Variants in MAT2B observed in about 807,000 individuals in gnomAD.
MAT2B encodes methionine adenosyltransferase 2 non-catalytic beta subunit.
MAT2B carries 16 observed loss-of-function variants against 36.1 expected under a neutral mutation model. The observed-to-expected ratio is 0.44, with a 90% CI of 0.30 to 0.67. MAT2B has a LOEUF of 0.67. Ranked by LOEUF, MAT2B falls within the 30% of genes least tolerant of loss-of-function variation. MAT2B has a pLI of 0.09. For synonymous variants in MAT2B, 148 were observed against 136.9 expected (o/e 1.08, Z -0.57); for missense variants, 332 against 398.2 (o/e 0.83, Z 1.42).
Position 163,518,452 on chromosome 5 carries a change from GTACTT to G in MAT2B, c.*92_*96del. 2 of 1,082,702 alleles carry G rather than the reference GTACTT, an allele frequency of 1.8e-6. No individual in the cohort carries two copies. Among genetic ancestry groups the G allele is most frequent in the Non-Finnish European group, 2.6e-6 (2 of 763,844 alleles). 67.1% of individuals were successfully genotyped at this position (1,082,702 alleles called of 1,614,324 possible). A position where few individuals can be genotyped will look rare whatever the true frequency, so the allele number is the denominator to read the frequency against. On this transcript the variant is annotated 3_prime_UTR_variant, in exon 7 of 7. Transcript: ENST00000321757. ...GAACAAAGGAAATAGTTTTGTATGA[GTACTT>G]TAATTGTGACTCTTAGGATCTTTCA... is the stretch of plus-strand genomic sequence containing the variant.
intron 4 of MAT2B, among the ~76,000 whole-genome samples, chr5:163,514,249 G>A (rs1477662757): frequency 6.6e-6 from 1 of 152,084 alleles, no homozygotes; most frequent in Admixed American, 6.5e-5. Flanking sequence ...ACAAGCTTTT[G>A]TAACTCATTT....
rs1759919327 is a variant in MAT2B at position 163,505,669 on chromosome 5, G to A, written c.-18G>A. On this transcript the variant is annotated 5_prime_UTR_variant, in exon 1 of 7. Transcript: ENST00000321757. Reference sequence around the variant, plus strand: ...AGGAGGTGGCGGCCGCTGAGGCTGCGGCGTGAAGACGGCGGGCATGGTGGG... The same window carrying A: ...AGGAGGTGGCGGCCGCTGAGGCTGCAGCGTGAAGACGGCGGGCATGGTGGG... The A allele has an allele frequency of 1.6e-6, 2 of 1,278,304 alleles. No homozygotes were observed. Among genetic ancestry groups the A allele is most frequent in the East Asian group, 3.0e-5 (1 of 33,682 alleles). The allele number at this position is 1,278,304 out of a possible 1,614,324, so 79.2% of individuals were successfully genotyped here.
At chr5:163,503,266 A>T, upstream of MAT2B, 1 of 756,256 alleles carries the variant, frequency 1.3e-6, no homozygotes, top group African/African-American at 1.7e-5. Flanking sequence ...TTAAAAGGTC[A>T]AGTGAAGCTG....
intron 1 of MAT2B, among the ~76,000 whole-genome samples, chr5:163,510,762 C>T (rs1183656663): frequency 6.6e-6 from 1 of 152,156 alleles, no homozygotes; most frequent in African/African-American, 2.4e-5. Flanking sequence ...TTTGGTTAAA[C>T]TTAGAAAGCA....
intron 2 of MAT2B, 73 bp from the exon 3 acceptor site, chr5:163,513,482 T>C: frequency 1.3e-6 from 1 of 791,132 alleles, no homozygotes; most frequent in South Asian, 1.7e-5. Context: ...TTTCTCTGAA[T>C]TAACTTTAAG....
intron 1 of MAT2B, among the ~76,000 whole-genome samples, chr5:163,508,984 A>G (rs1759993003): frequency 1.3e-5 from 2 of 152,172 alleles, no homozygotes; most frequent in Non-Finnish European, 2.9e-5. Flanking sequence ...GCATTTTCTC[A>G]TACAACTCCA....
chr5:163,506,441 C>T (rs544712878), intron 1 of MAT2B, among the ~76,000 whole-genome samples: 1 of 152,026 alleles, frequency 6.6e-6, no homozygotes, highest in African/African-American at 2.4e-5. Flanking sequence ...TCTGGTGCCC[C>T]CCTCGCCCCC....
chr5:163,517,642 G>A lies in MAT2B; in HGVS notation c.802G>A (p.Ala268Thr), dbSNP rs770623229. The change falls in exon 6 of 7, where the codon GCC becomes ACC. Residue 268 changes from alanine to threonine, a missense_variant. Coordinates refer to ENST00000321757, the MANE Select transcript of MAT2B (RefSeq NM_013283.5). ...KYEMACAIAD[A>T]FNLPSSHLRP... ...TGAAATGGCATGTGCAATTGCAGAT[G>A]CCTTCAACCTCCCCAGCAGTCACTT... is the stretch of plus-strand genomic sequence containing the variant. The A allele has an allele frequency of 9.3e-6, 15 of 1,613,598 alleles. No individual in the cohort carries two copies. The South Asian group carries it at 1.5e-4, about 17-fold the overall frequency.
At position 163,512,360 on chromosome 5, in the gene MAT2B, CTTAAAG is replaced by C. The variant is rs1283701594; in HGVS notation, c.258+170_258+175del. On this transcript the variant is annotated intron_variant, in intron 2 of 6. Coordinates refer to ENST00000321757, the MANE Select transcript of MAT2B (RefSeq NM_013283.5). ...TTAGCATGACATGGTATATGTAAAC[CTTAAAG>C]TTAAATTTTGACACGCTGACAAAGA... 1.3e-5 allele frequency: 8 copies of C among 633,218 alleles called. No homozygotes were observed. The South Asian group carries it at 1.5e-4, about 12-fold the overall frequency. 39.2% of individuals were successfully genotyped at this position (633,218 alleles called of 1,614,324 possible).
chr5:163,516,193 G>A (rs565173592), intron 4 of MAT2B, among the ~76,000 whole-genome samples: 14 of 152,236 alleles, frequency 9.2e-5, no homozygotes, highest in East Asian at 7.8e-4. Flanking sequence ...CTACAGGCAT[G>A]TGCCACCATG....
Position 163,512,147 on chromosome 5 carries a change from TTA to T in MAT2B, c.210_211del (p.Asn71SerfsTer5). On this transcript the variant is annotated frameshift_variant, in exon 2 of 7. Transcript: ENST00000321757. LOFTEE classifies it high-confidence loss of function. ...AGAGCAAGACCAAAATTTGAACAGG[TTA>T]ATCTGTTGGATTCTAATGCAGTTCA... is the stretch of plus-strand genomic sequence containing the variant. The T allele has an allele frequency of 6.2e-7, 1 of 1,614,148 alleles. No individual in the cohort carries two copies. Among genetic ancestry groups the T allele is most frequent in the Non-Finnish European group, 8.5e-7 (1 of 1,179,986 alleles).
intron 4 of MAT2B, among the ~76,000 whole-genome samples, chr5:163,515,145 C>T (rs1224795774): frequency 1.3e-5 from 2 of 152,144 alleles, no homozygotes; most frequent in Admixed American, 1.3e-4. Context: ...AGCACTGTTG[C>T]TTCGTGGATT....
At chr5:163,518,159 C>A in intron 6 of MAT2B, 34 bp from the exon 7 acceptor site, 2 of 1,523,744 alleles carry the variant, frequency 1.3e-6, no homozygotes, top group Non-Finnish European at 1.8e-6. Context: ...CTTTCACTTA[C>A]TTTTGATTTT....
At chr5:163,513,366 T>C in intron 2 of MAT2B, 189 bp from the exon 3 acceptor site, 2 of 504,508 alleles carry the variant, frequency 4.0e-6, no homozygotes, top group South Asian at 6.3e-5. Flanking sequence ...TGCCTATAAA[T>C]ATTTTAAGTT....
chr5:163,516,368 C>T (rs189276670), intron 4 of MAT2B, 150 bp from the exon 5 acceptor site: 39 of 653,470 alleles, frequency 6.0e-5, no homozygotes, highest in Admixed American at 2.3e-4. Context: ...TTTTACATTG[C>T]GTTGTCACAA....
intron 5 of MAT2B, 100 bp downstream of exon 5, chr5:163,516,811 C>A (rs747639330): frequency 1.5e-6 from 2 of 1,305,562 alleles, no homozygotes; most frequent in South Asian, 1.2e-5. Flanking sequence ...GAGTGAAAGC[C>A]AAAAGTGCTT....
intron 1 of MAT2B, among the ~76,000 whole-genome samples, chr5:163,511,383 CCTCCCAAGTAGCTAGGA>C (rs1415610841): frequency 2.6e-5 from 4 of 151,498 alleles, no homozygotes; most frequent in Non-Finnish European, 5.9e-5. Context: ...CCCACCCCAG[CCTCCCAAGTAGCTAGGA>C]CTACAGGCAT....
intron 1 of MAT2B, 115 bp downstream of exon 1, chr5:163,505,864 G>A: frequency 1.2e-6 from 1 of 826,606 alleles, no homozygotes; most frequent in Non-Finnish European, 1.7e-6. Context: ...CCTCCGGCCG[G>A]GAGTGGTCTC....
intron 1 of MAT2B, among the ~76,000 whole-genome samples, 192 bp downstream of exon 1, chr5:163,505,941 GGTCA>G (rs1277544035): frequency 1.3e-5 from 2 of 152,130 alleles, no homozygotes; most frequent in African/African-American, 4.8e-5. Context: ...AGCGCACACG[GGTCA>G]GTGTTTTTTT....
Sources: allele counts gnomAD v4.1 joint callset (sites outside exome capture counted in the v4.1 genomes callset), GRCh38; gene constraint gnomAD v4.1.1; transcripts MANE v1.5; gene names NCBI Gene and HGNC (gene_info 2026-07-23, HGNC 2026-07-21).